Variants in ATP2A3 observed in about 807,000 individuals in gnomAD.
ATP2A3 encodes the protein ATPase sarcoplasmic/endoplasmic reticulum Ca2+ transporting 3.
ATP2A3 carries 61 observed loss-of-function variants against 106.8 expected under a neutral mutation model. That is an observed-to-expected ratio of 0.57 (90% CI 0.46 to 0.71). The LOEUF (loss-of-function observed/expected upper bound fraction) is 0.71, where lower values mean the gene tolerates loss of function less well. Ranked by LOEUF, ATP2A3 falls within the 30% of genes least tolerant of loss-of-function variation. The pLI is 0.00. For synonymous variants in ATP2A3, 611 were observed against 609.3 expected, an observed-to-expected ratio of 1.00 and a Z score of -0.04; for missense variants, 1,201 against 1,423.5, an observed-to-expected ratio of 0.84 and a Z score of 2.52.
chr17:3,929,274 C>A lies in ATP2A3; in HGVS notation c.2862+54G>T. 8 of 1,477,974 alleles carry A rather than the reference C, an allele frequency of 5.4e-6. No individual in the cohort carries two copies. Among genetic ancestry groups the A allele is most frequent in the Non-Finnish European group, 7.4e-6 (8 of 1,083,608 alleles). 91.6% of individuals were successfully genotyped at this position (1,477,974 alleles called of 1,614,324 possible). On this transcript the variant is annotated intron_variant, in intron 19 of 20. Coordinates refer to ENST00000397041, the MANE Select transcript of ATP2A3 (RefSeq NM_005173.4). The surrounding 1 kb of genome is among the most constrained non-coding windows in gnomAD (Gnocchi z 4.3). ...GGGCCAGAGAGGTCCAGTGACCAGC[C>A]CAGGGCCTGTGATGTCCAGGGACCA...
At position 3,930,620 on chromosome 17, in the gene ATP2A3, A is replaced by G; in HGVS notation, c.2611-186T>C. Reference sequence around the variant, plus strand: ...TCGGGGCGGCGGTGGGGAGAGCTGCACCGTGCCAGGGAGAAGCAAGGGCAC... The same window carrying G: ...TCGGGGCGGCGGTGGGGAGAGCTGCGCCGTGCCAGGGAGAAGCAAGGGCAC... On this transcript the variant is annotated intron_variant, in intron 17 of 20. Transcript: ENST00000397041. The surrounding 1 kb of genome is among the most constrained non-coding windows in gnomAD (Gnocchi z 5.4). The G allele has an allele frequency of 1.3e-6, 1 of 794,408 alleles. No homozygotes were observed. The highest frequency in any genetic ancestry group is 2.0e-6 in the Non-Finnish European group (1 of 490,810). 49.2% of individuals were successfully genotyped at this position (794,408 alleles called of 1,614,324 possible).
rs189310716 is a variant in ATP2A3 at position 3,925,869 on chromosome 17, C to A, written c.2981-428G>T. 2.0e-3 allele frequency among the ~76,000 whole-genome samples: 306 copies of A among 152,280 alleles called. 3 individuals carry two copies. Among genetic ancestry groups the A allele is most frequent in the African/African-American group, 6.9e-3 (288 of 41,560 alleles). ...CCAGGCCTCAAGGCCTCAAGGCCTG[C>A]CGCCCTGCCCCCAGCCCCAGTCTTA... On this transcript the variant is annotated intron_variant, in intron 20 of 20. Coordinates refer to ENST00000397041, the MANE Select transcript of ATP2A3 (RefSeq NM_005173.4). The surrounding 1 kb of genome is among the most constrained non-coding windows in gnomAD (Gnocchi z 4.2).
chr17:3,939,360 G>C (rs2053612935), intron 14 of ATP2A3, among the ~76,000 whole-genome samples: 1 of 151,992 alleles, frequency 6.6e-6, no homozygotes, highest in Non-Finnish European at 1.5e-5. Flanking sequence ...ACAGAGACCA[G>C]GTCAGGGGAG....
Position 3,924,461 on chromosome 17 carries a change from G to A in ATP2A3, c.*961C>T, listed in dbSNP as rs972540265. The stretch of plus-strand genomic sequence containing the variant: ...GGCAAGGAGTGAGGCCAAGAGTCCA[G>A]GAAGCCCACCAGGCTCAGAGGCCCC... On this transcript the variant is annotated 3_prime_UTR_variant, in exon 21 of 21. Coordinates refer to ENST00000397041, the MANE Select transcript of ATP2A3 (RefSeq NM_005173.4). This position sits in a 1 kb window ranked among gnomAD's most constrained non-coding sequence, Gnocchi z 6.4. 3.7e-6 allele frequency: 1 copy of A among 269,260 alleles called. No individual in the cohort carries two copies. The highest frequency in any genetic ancestry group is 2.3e-5 in the African/African-American group (1 of 44,070). The allele number at this position is 269,260 out of a possible 1,614,324, so 16.7% of individuals were successfully genotyped here. A position where few individuals can be genotyped will look rare whatever the true frequency, so the allele number is the denominator to read the frequency against.
At chr17:3,959,448 G>A (rs1171828896) in intron 1 of ATP2A3, among the ~76,000 whole-genome samples, 1 of 152,156 alleles carries the variant, frequency 6.6e-6, no homozygotes, top group Non-Finnish European at 1.5e-5. Flanking sequence ...CAGTTGCTCC[G>A]TGGTGCAGGC....
chr17:3,960,574 G>C (rs1310313187), intron 1 of ATP2A3, among the ~76,000 whole-genome samples: 1 of 152,242 alleles, frequency 6.6e-6, no homozygotes, highest in Admixed American at 6.5e-5. Context: ...CAGGTCTCTT[G>C]CCTTGGCTCC....
rs2053915651 is a variant in ATP2A3 at position 3,943,648 on chromosome 17, C to A, written c.1288-126G>T. ...TTCCGTGTAACCTCCTTTGCACCGG[C>A]CCGTGAGCCCTTCCCAGCCTGGCCG... is the stretch of plus-strand genomic sequence containing the variant. On this transcript the variant is annotated intron_variant, in intron 10 of 20. Coordinates refer to ENST00000397041, the MANE Select transcript of ATP2A3 (RefSeq NM_005173.4). 4 of 1,476,832 alleles carry A rather than the reference C, an allele frequency of 2.7e-6. No individual in the cohort carries two copies. The Admixed American group carries it at 7.1e-5, about 26-fold the overall frequency. The allele number at this position is 1,476,832 out of a possible 1,614,324, so 91.5% of individuals were successfully genotyped here.
Position 3,953,291 on chromosome 17 carries a change from G to A in ATP2A3, c.219+56C>T, listed in dbSNP as rs1288869782. ...AGGACCTCGGAGCACTGCCCAGCCT[G>A]GCTCTCCCTCCAGGGCTACCGACTA... On this transcript the variant is annotated intron_variant, in intron 3 of 20. Coordinates refer to ENST00000397041, the MANE Select transcript of ATP2A3 (RefSeq NM_005173.4). The surrounding 1 kb of genome is among the most constrained non-coding windows in gnomAD (Gnocchi z 5.1). 2 of 1,579,918 alleles carry A rather than the reference G, an allele frequency of 1.3e-6. No individual in the cohort carries two copies. Among genetic ancestry groups the A allele is most frequent in the Non-Finnish European group, 1.7e-6 (2 of 1,149,578 alleles).
intron 4 of ATP2A3, 31 bp downstream of exon 4, chr17:3,951,550 C>CA (rs1420775673): frequency 1.2e-5 from 16 of 1,290,314 alleles, no homozygotes; most frequent in Non-Finnish European, 1.7e-5. Flanking sequence ...GAGACCGCCC[C>CA]CCGCCCGGTC....
Position 3,936,128 on chromosome 17 carries a change from C to G in ATP2A3, c.2524+139G>C. On this transcript the variant is annotated intron_variant, in intron 16 of 20. Transcript: ENST00000397041. The surrounding 1 kb of genome is among the most constrained non-coding windows in gnomAD (Gnocchi z 5.4). ...TACTGAGACCCAGATCCCGCCATGC[C>G]TGGTCTTTTCCATTACATGAGCTCA... is the stretch of plus-strand genomic sequence containing the variant. 7 of 1,142,922 alleles carry G rather than the reference C, an allele frequency of 6.1e-6. No individual in the cohort carries two copies. The Admixed American group carries it at 1.4e-4, about 22-fold the overall frequency. 70.8% of individuals were successfully genotyped at this position (1,142,922 alleles called of 1,614,324 possible).
At position 3,925,074 on chromosome 17, in the gene ATP2A3, C is replaced by A; in HGVS notation, c.*348G>T. On this transcript the variant is annotated 3_prime_UTR_variant, in exon 21 of 21. Transcript: ENST00000397041. This position sits in a 1 kb window ranked among gnomAD's most constrained non-coding sequence, Gnocchi z 4.2. ...AGGGGGAGCAAGCTCCAGCTGCACT[C>A]GTGATTTGGGGGTGGGGGGGCCCCG... 1 of 502,652 alleles carries A rather than the reference C, an allele frequency of 2.0e-6. No individual in the cohort carries two copies. Among genetic ancestry groups the A allele is most frequent in the Non-Finnish European group, 3.6e-6 (1 of 275,020 alleles). 31.1% of individuals were successfully genotyped at this position (502,652 alleles called of 1,614,324 possible). A position where few individuals can be genotyped will look rare whatever the true frequency, so the allele number is the denominator to read the frequency against.
chr17:3,958,817 TAC>T (rs1567726687), intron 1 of ATP2A3, among the ~76,000 whole-genome samples: 14 of 79,446 alleles, frequency 1.8e-4, no homozygotes, highest in African/African-American at 1.0e-3. Flanking sequence ...CATATATATA[TAC>T]ACACATATAT....
At chr17:3,941,714 C>T (rs2053790857) in intron 12 of ATP2A3, 60 bp from the exon 13 acceptor site, 2 of 1,552,806 alleles carry the variant, frequency 1.3e-6, no homozygotes, top group Non-Finnish European at 1.7e-6. Flanking sequence ...CCTCTCCTTC[C>T]TGCCCAAACT....
Position 3,936,616 on chromosome 17 carries a change from G to A in ATP2A3, c.2322-147C>T, listed in dbSNP as rs770607841. ...CTCCCTCCGCCAGCTGTGATGTGAAGGGTGTGTGTACACAGCTCTGCCTCG... is the reference window on the plus strand; with the variant it reads ...CTCCCTCCGCCAGCTGTGATGTGAAAGGTGTGTGTACACAGCTCTGCCTCG... On this transcript the variant is annotated intron_variant, in intron 15 of 20. Coordinates refer to ENST00000397041, the MANE Select transcript of ATP2A3 (RefSeq NM_005173.4). This position sits in a 1 kb window ranked among gnomAD's most constrained non-coding sequence, Gnocchi z 5.4. 1 of 850,554 alleles carries A rather than the reference G, an allele frequency of 1.2e-6. No homozygotes were observed. The highest frequency in any genetic ancestry group is 1.9e-6 in the Non-Finnish European group (1 of 517,652). 52.7% of individuals were successfully genotyped at this position (850,554 alleles called of 1,614,324 possible). A position where few individuals can be genotyped will look rare whatever the true frequency, so the allele number is the denominator to read the frequency against.
At chr17:3,935,308 G>C (rs2144353436) in intron 16 of ATP2A3, 31 bp from the exon 17 acceptor site, 1 of 1,597,194 alleles carries the variant, frequency 6.3e-7, no homozygotes, top group Non-Finnish European at 8.6e-7. Context: ...CGGCTGTAGA[G>C]AATGGCGGTG....
chr17:3,963,738 G>T (rs917756130), intron 1 of ATP2A3, among the ~76,000 whole-genome samples: 9 of 152,222 alleles, frequency 5.9e-5, no homozygotes, highest in African/African-American at 2.2e-4. Flanking sequence ...GGAGCCCTCA[G>T]GGGAGACCCT....
chr17:3,950,896 G>A, intron 5 of ATP2A3, 123 bp from the exon 6 acceptor site: 1 of 973,424 alleles, frequency 1.0e-6, no homozygotes, highest in Non-Finnish European at 1.6e-6. Flanking sequence ...TGATCGCTCT[G>A]GTGACCCCTG....
At chr17:3,949,042 C>T (rs912820163) in intron 7 of ATP2A3, among the ~76,000 whole-genome samples, 1 of 148,716 alleles carries the variant, frequency 6.7e-6, no homozygotes, top group Non-Finnish European at 1.5e-5. Context: ...GCAGGAGAAT[C>T]GCTTGAACTC....
intron 1 of ATP2A3, among the ~76,000 whole-genome samples, chr17:3,954,216 C>T (rs1435867488): frequency 6.6e-6 from 1 of 152,142 alleles, no homozygotes; most frequent in South Asian, 2.1e-4. Flanking sequence ...CTCACCCTGC[C>T]TCTAACATCC....
Sources: allele counts gnomAD v4.1 joint callset (sites outside exome capture counted in the v4.1 genomes callset), GRCh38; gene constraint gnomAD v4.1.1; non-coding constraint Gnocchi (gnomAD v3.1); transcripts MANE v1.5; gene names NCBI Gene and HGNC (gene_info 2026-07-23, HGNC 2026-07-21).